The following CNMD variants were observed in gnomAD, a reference collection of about 807,000 sequenced individuals.
The protein encoded by CNMD is chondromodulin, also known as leukocyte cell-derived chemotaxin 1.
A neutral mutation model predicts 37.5 loss-of-function variants in CNMD; 30 were observed. The ratio of observed to expected loss-of-function variants is 0.80; its 90% CI spans 0.60 to 1.09. CNMD has a LOEUF of 1.09. CNMD is among the 50% of genes least tolerant of loss of function. The pLI is 0.00. For missense variants in CNMD, 398 were observed against 423.9 expected, an observed-to-expected ratio of 0.94 and a Z score of 0.54; for synonymous variants, 167 against 148.2, an observed-to-expected ratio of 1.13 and a Z score of -0.92.
chr13:52,725,163 T>C (rs1203754827), intron 3 of CNMD, among the ~76,000 whole-genome samples: 1 of 152,240 alleles, frequency 6.6e-6, no homozygotes, highest in Admixed American at 6.5e-5. Context: ...TGCTTTCCCA[T>C]AAGTCCTCCT....
intron 6 of CNMD, among the ~76,000 whole-genome samples, chr13:52,706,290 A>G (rs1964172375): frequency 6.6e-6 from 1 of 152,176 alleles, no homozygotes; most frequent in South Asian, 2.1e-4. Flanking sequence ...TTGAAAGGCA[A>G]TTTGGTATCC....
intron 3 of CNMD, among the ~76,000 whole-genome samples, chr13:52,730,745 C>T (rs1215166369): frequency 6.6e-6 from 1 of 152,182 alleles, no homozygotes; most frequent in Non-Finnish European, 1.5e-5. Flanking sequence ...AGCAACAGCA[C>T]TGGTGCTTGT....
intron 6 of CNMD, among the ~76,000 whole-genome samples, chr13:52,705,048 A>C (rs1466800941): frequency 8.4e-6 from 1 of 118,828 alleles, no homozygotes; most frequent in Non-Finnish European, 1.7e-5. Context: ...ACAAGAGTGA[A>C]ACTCTGTCTT....
rs754396086 is a variant in CNMD at position 52,739,640 on chromosome 13, C to A, written c.62G>T (p.Cys21Phe). 1.2e-6 allele frequency: 2 copies of A among 1,613,956 alleles called. No homozygotes were observed. Among genetic ancestry groups the A allele is most frequent in the Non-Finnish European group, 1.7e-6 (2 of 1,179,916 alleles). Residue 21 changes from cysteine to phenylalanine, a missense_variant, in exon 1 of 7, where the codon TGC (cysteine) becomes TTC (phenylalanine). Physicochemically the swap from Cys to Phe is radical, Grantham distance 205. Transcript: ENST00000377962. This position sits in a 1 kb window ranked among gnomAD's most constrained non-coding sequence, Gnocchi z 5.4. ...CCTGGCGGTACTCACCGGGGGGCTGCAGAATTCCACGTCATCAGGTCCCAC... is the reference window on the plus strand; with the variant it reads ...CCTGGCGGTACTCACCGGGGGGCTGAAGAATTCCACGTCATCAGGTCCCAC... Reference protein sequence around the residue: ...ALVGPDDVEFCSPPAYATLTV... With the variant: ...ALVGPDDVEFFSPPAYATLTV...
intron 2 of CNMD, among the ~76,000 whole-genome samples, chr13:52,737,589 T>C (rs1303437943): frequency 2.0e-5 from 3 of 152,224 alleles, no homozygotes. Context: ...ATGGTATTCA[T>C]TTTAAAATAT....
intron 3 of CNMD, 140 bp downstream of exon 3, chr13:52,733,079 G>A (rs1160002716): frequency 1.0e-5 from 8 of 792,784 alleles, no homozygotes; most frequent in African/African-American, 1.7e-5. Flanking sequence ...TATGCTACAT[G>A]TAGTGGATTA....
At position 52,720,193 on chromosome 13, in the gene CNMD, G is replaced by A. The variant is rs141573510; in HGVS notation, c.468+3804C>T. ...TTTTCAGCTCCATCAGGTCATTTAA[G>A]TTCTTCTTTAAAATGGTTATTCTAG... On this transcript the variant is annotated intron_variant, in intron 4 of 6. Transcript: ENST00000377962. Among the ~76,000 whole-genome samples, 11 of 152,196 alleles carry A rather than the reference G, an allele frequency of 7.2e-5. No homozygotes were observed. The East Asian group carries it at 2.1e-3, about 30-fold the overall frequency.
chr13:52,718,505 T>C (rs954854670), intron 4 of CNMD, among the ~76,000 whole-genome samples: 1 of 152,214 alleles, frequency 6.6e-6, no homozygotes, highest in Non-Finnish European at 1.5e-5. Context: ...CTCTAAACAC[T>C]GCTTTAGCTG....
At chr13:52,720,100 T>C (rs1441525494) in intron 4 of CNMD, among the ~76,000 whole-genome samples, 1 of 152,218 alleles carries the variant, frequency 6.6e-6, no homozygotes, top group Non-Finnish European at 1.5e-5. Context: ...GGATATCCTT[T>C]CTTCCTTCCA....
intron 2 of CNMD, among the ~76,000 whole-genome samples, chr13:52,736,761 A>C (rs1160513873): frequency 6.6e-6 from 1 of 152,228 alleles, no homozygotes; most frequent in Non-Finnish European, 1.5e-5. Context: ...GATTAATTAC[A>C]TAATGTTTGG....
Position 52,703,419 on chromosome 13 carries a change from A to G in CNMD, c.*176T>C, listed in dbSNP as rs1964117190. Reference sequence around the variant, plus strand: ...TGAACTACCCTTTCAGTACATTTGCATATACTAAAGTTCTGGAAAACAATT... The same window carrying G: ...TGAACTACCCTTTCAGTACATTTGCGTATACTAAAGTTCTGGAAAACAATT... On this transcript the variant is annotated 3_prime_UTR_variant, in exon 7 of 7. Transcript: ENST00000377962. The G allele has an allele frequency of 1.8e-6, 1 of 554,722 alleles. No homozygotes were observed. The highest frequency in any genetic ancestry group is 4.7e-4 in the Middle Eastern group (1 of 2,110). The allele number at this position is 554,722 out of a possible 1,614,324, so 34.4% of individuals were successfully genotyped here.
intron 3 of CNMD, among the ~76,000 whole-genome samples, chr13:52,727,889 T>C (rs1472125410): frequency 6.6e-6 from 1 of 152,144 alleles, no homozygotes; most frequent in Non-Finnish European, 1.5e-5. Context: ...TAATGTTCAG[T>C]AGCAGAGTGG....
At chr13:52,720,620 A>G (rs1393816149) in intron 4 of CNMD, among the ~76,000 whole-genome samples, 1 of 152,146 alleles carries the variant, frequency 6.6e-6, no homozygotes, top group Non-Finnish European at 1.5e-5. Flanking sequence ...ATGCCTGGGT[A>G]TCACCATCAG....
chr13:52,708,488 T>A, intron 6 of CNMD, 48 bp downstream of exon 6: 1 of 1,554,294 alleles, frequency 6.4e-7, no homozygotes, highest in Non-Finnish European at 8.8e-7. Flanking sequence ...GCCTTGGCAC[T>A]ATGTTTAATG....
At chr13:52,729,081 C>T (rs2138265711) in intron 3 of CNMD, among the ~76,000 whole-genome samples, 1 of 152,248 alleles carries the variant, frequency 6.6e-6, no homozygotes, top group East Asian at 1.9e-4. Context: ...TTTTTCAAAA[C>T]AGTGATGTAA....
chr13:52,705,972 T>C (rs1294512551), intron 6 of CNMD, among the ~76,000 whole-genome samples: 1 of 152,260 alleles, frequency 6.6e-6, no homozygotes, highest in Non-Finnish European at 1.5e-5. Context: ...CTGAATTTTC[T>C]GATAAGCCTT....
chr13:52,738,892 TG>T, intron 2 of CNMD, 138 bp downstream of exon 2: 1 of 658,368 alleles, frequency 1.5e-6, no homozygotes, highest in Non-Finnish European at 2.2e-6. Flanking sequence ...CGTGCCAGAG[TG>T]GGATGGGAGA....
At chr13:52,724,417 C>CA (rs71094319) in intron 3 of CNMD, among the ~76,000 whole-genome samples, 65,330 of 85,998 alleles carry the variant, frequency 0.76, 24,806 homozygotes, top group East Asian at 0.83. Flanking sequence ...ACTAAAAATA[C>CA]AAAAAAAAAA....
Position 52,722,323 on chromosome 13 carries a change from G to A in CNMD, c.468+1674C>T, listed in dbSNP as rs1964498405. 2.0e-5 allele frequency among the ~76,000 whole-genome samples: 3 copies of A among 152,246 alleles called. No individual in the cohort carries two copies. In the South Asian group the frequency reaches 6.2e-4, roughly 32 times the overall value. Reference sequence around the variant, plus strand: ...CACCGCCTGCAGCTGCTCCTATGGGGGCAAACAATCAGGCAGTTTCCAGGC... The same window carrying A: ...CACCGCCTGCAGCTGCTCCTATGGGAGCAAACAATCAGGCAGTTTCCAGGC... On this transcript the variant is annotated intron_variant, in intron 4 of 6. Transcript: ENST00000377962.
Sources: allele counts gnomAD v4.1 joint callset (sites outside exome capture counted in the v4.1 genomes callset), GRCh38; gene constraint gnomAD v4.1.1; non-coding constraint Gnocchi (gnomAD v3.1); transcripts MANE v1.5; gene names NCBI Gene and HGNC (gene_info 2026-07-23, HGNC 2026-07-21).